Variants in TPO observed in about 807,000 individuals in gnomAD.
TPO encodes the protein thyroid microsomal antigen.
Under a neutral mutation model 96.9 loss-of-function variants are expected in TPO, and 78 were observed. The observed-to-expected ratio is 0.81, with a 90% CI of 0.67 to 0.97. The LOEUF (loss-of-function observed/expected upper bound fraction) is 0.97. Among genes scored for constraint, TPO ranks in the 50% least tolerant of loss-of-function variants. The pLI is 0.00. For synonymous variants in TPO, 547 were observed against 538.0 expected (o/e 1.02, Z -0.23); for missense variants, 1,252 against 1,274.8 (o/e 0.98, Z 0.27).
intron 6 of TPO, 137 bp downstream of exon 6, chr2:1,453,960 G>A: frequency 7.3e-7 from 1 of 1,369,910 alleles, no homozygotes; most frequent in Middle Eastern, 1.8e-4. Context: ...GCCTCCCTTT[G>A]ATGTAGCAAT....
At chr2:1,541,132 C>T in intron 16 of TPO, 9 of 1,186,228 alleles carry the variant, frequency 7.6e-6, no homozygotes, top group Non-Finnish European at 8.5e-6. Context: ...ACCCCCTTAC[C>T]TTGTATGCAG....
At chr2:1,498,323 G>T (rs1672559106) in intron 13 of TPO, among the ~76,000 whole-genome samples, 1 of 152,208 alleles carries the variant, frequency 6.6e-6, no homozygotes, top group Non-Finnish European at 1.5e-5. Flanking sequence ...TGTGGTCTCA[G>T]GTGCCCTCCC....
rs1474020387 is a variant in TPO at position 1,531,914 on chromosome 2, CA to C, written c.2619-8679del. Among the ~76,000 whole-genome samples, 279 of 67,880 alleles carry C rather than the reference CA, an allele frequency of 4.1e-3. 38 individuals are homozygous for C. The highest frequency in any genetic ancestry group is 0.015 in the African/African-American group (257 of 17,284). The allele number at this position is 67,880 out of a possible 152,430, so 44.5% of individuals were successfully genotyped here. ...CCTACTGTGTGCAACCTCCTCAAAT[CA>C]CCCCCACTGTGTGCAACCTCCTCAA... On this transcript the variant is annotated intron_variant, in intron 15 of 16. Coordinates refer to ENST00000329066, the MANE Select transcript of TPO (RefSeq NM_001206744.2).
rs573825644 is a variant in TPO, at chr2:1,478,333, T to C, written c.1338+729T>C. 8 of 985,416 alleles carry C rather than the reference T, an allele frequency of 8.1e-6. No individual in the cohort carries two copies. The East Asian group carries it at 6.8e-4, about 84-fold the overall frequency. The allele number at this position is 985,416 out of a possible 1,614,324, so 61.0% of individuals were successfully genotyped here. A position where few individuals can be genotyped will look rare whatever the true frequency, so the allele number is the denominator to read the frequency against. ...GGGCTGTTTGATATGCGAGTCACCG[T>C]GTGTGTCTGTTGCACCAGGCCCTGT... On this transcript the variant is annotated intron_variant, in intron 8 of 16. Coordinates refer to ENST00000329066, the MANE Select transcript of TPO (RefSeq NM_001206744.2).
chr2:1,454,652 A>C (rs1467133383), intron 6 of TPO, among the ~76,000 whole-genome samples: 1 of 152,146 alleles, frequency 6.6e-6, no homozygotes, highest in Non-Finnish European at 1.5e-5. Context: ...GGCTTCCTGC[A>C]AGTCGCTTTC....
rs1388926905 is a variant in TPO, at chr2:1,459,707, G to A, written c.819+3425G>A. Among the ~76,000 whole-genome samples the A allele has an allele frequency of 2.6e-5, 4 of 152,104 alleles. No individual in the cohort carries two copies. In the East Asian group the frequency reaches 7.7e-4, roughly 29 times the overall value. On this transcript the variant is annotated intron_variant, in intron 7 of 16. Coordinates refer to ENST00000329066, the MANE Select transcript of TPO (RefSeq NM_001206744.2). ...ACATCTAAACAAAATATCCCAAAAG[G>A]AATAATATTGGGGGAAAGGTGGAAA...
intron 15 of TPO, among the ~76,000 whole-genome samples, chr2:1,523,579 C>T (rs1249137400): frequency 6.8e-6 from 1 of 146,196 alleles, no homozygotes; most frequent in Non-Finnish European, 1.5e-5. Flanking sequence ...TGCAACCTCC[C>T]CAAATCCCCC....
At position 1,495,988 on chromosome 2, in the gene TPO, G is replaced by A. The variant is rs1558362839; in HGVS notation, c.2007-1G>A. 6.2e-7 allele frequency: 1 copy of A among 1,612,248 alleles called. No homozygotes were observed. Among genetic ancestry groups the A allele is most frequent in the Non-Finnish European group, 8.5e-7 (1 of 1,179,898 alleles). On this transcript the variant is annotated splice_acceptor_variant, in intron 11 of 16. Coordinates refer to ENST00000329066, the MANE Select transcript of TPO (RefSeq NM_001206744.2). LOFTEE classifies it high-confidence loss of function. ...CTTACTCACTGTCTCCTTCTCTGGAGGTTTTGGTGGGAGAACAGCCACGTC... is the reference window on the plus strand; with the variant it reads ...CTTACTCACTGTCTCCTTCTCTGGAAGTTTTGGTGGGAGAACAGCCACGTC...
rs1477644847 is a variant in TPO, at chr2:1,506,867, G to A, written c.2518+2788G>A. Reference sequence around the variant, plus strand: ...CAGTCTGATAGTAGTTTCTTTTGCTGTGCAGAAGCTCTTTAGTTTAATTAG... The same window carrying A: ...CAGTCTGATAGTAGTTTCTTTTGCTATGCAGAAGCTCTTTAGTTTAATTAG... On this transcript the variant is annotated intron_variant, in intron 14 of 16. Coordinates refer to ENST00000329066, the MANE Select transcript of TPO (RefSeq NM_001206744.2). 2.6e-5 allele frequency among the ~76,000 whole-genome samples: 4 copies of A among 152,246 alleles called. No homozygotes were observed. In the South Asian group the frequency reaches 6.2e-4, roughly 24 times the overall value.
intron 5 of TPO, among the ~76,000 whole-genome samples, chr2:1,442,973 C>A (rs73908720): frequency 6.6e-6 from 1 of 152,152 alleles, no homozygotes; most frequent in African/African-American, 2.4e-5. Context: ...CTTTGGCTCA[C>A]GCCTGTAAAG....
intron 1 of TPO, among the ~76,000 whole-genome samples, chr2:1,379,532 G>A (rs1389590221): frequency 6.6e-6 from 1 of 152,118 alleles, no homozygotes; most frequent in African/African-American, 2.4e-5. Flanking sequence ...CGGCTCTGGG[G>A]CCCTCCAGAC....
chr2:1,504,147 T>A lies in TPO; in HGVS notation c.2518+68T>A, dbSNP rs776832953. The A allele has an allele frequency of 1.4e-5, 22 of 1,606,048 alleles. No individual in the cohort carries two copies. The Admixed American group carries it at 2.8e-4, about 21-fold the overall frequency. On this transcript the variant is annotated intron_variant, in intron 14 of 16. Transcript: ENST00000329066. ...TTTTGTAAAATGAAGAAAAGTGTGT[T>A]CAAGTTAGGCAACTGTCAATCACCA...
chr2:1,387,661 C>T (rs1364675835), intron 1 of TPO, among the ~76,000 whole-genome samples: 1 of 152,194 alleles, frequency 6.6e-6, no homozygotes, highest in South Asian at 2.1e-4. Context: ...CTCGAACTTC[C>T]TCCTTTAGCT....
At chr2:1,446,139 G>A (rs567424636) in intron 5 of TPO, among the ~76,000 whole-genome samples, 56 of 152,154 alleles carry the variant, frequency 3.7e-4, no homozygotes, top group South Asian at 1.9e-3. Context: ...GGTGCAGATC[G>A]AGAACTGTAC....
intron 14 of TPO, among the ~76,000 whole-genome samples, chr2:1,515,174 C>G (rs867627889): frequency 6.6e-6 from 1 of 152,240 alleles, no homozygotes; most frequent in Non-Finnish European, 1.5e-5. Flanking sequence ...CTCAGCCTTC[C>G]CCGCACCCCC....
At chr2:1,456,426 C>A in intron 7 of TPO, 144 bp downstream of exon 7, 1 of 856,354 alleles carries the variant, frequency 1.2e-6, no homozygotes, top group Non-Finnish European at 1.9e-6. Context: ...TGGTGCATCT[C>A]ACTGGAAATT....
At chr2:1,526,521 CCA>C (rs1411998039) in intron 15 of TPO, among the ~76,000 whole-genome samples, 4 of 141,852 alleles carry the variant, frequency 2.8e-5, no homozygotes, top group Non-Finnish European at 6.1e-5. Flanking sequence ...GCAAATCCTC[CCA>C]GTGTTCGCAA....
chr2:1,528,159 TC>T (rs1677067658), intron 15 of TPO, among the ~76,000 whole-genome samples: 1 of 112,378 alleles, frequency 8.9e-6, no homozygotes, highest in Admixed American at 1.2e-4. Flanking sequence ...CCCAACCAAA[TC>T]TCACCCACTG....
rs1573194846 is a variant in TPO, at chr2:1,440,500, T to C, written c.482+4116T>C. On this transcript the variant is annotated intron_variant, in intron 5 of 16. Transcript: ENST00000329066. ...CCATTTCACCTGGACATTTTGTTTG[T>C]ATGGTGTAGTCGGTGCCGCAGGAGC... Among the ~76,000 whole-genome samples the C allele has an allele frequency of 2.0e-5, 3 of 152,340 alleles. No homozygotes were observed. The East Asian group carries it at 5.8e-4, about 29-fold the overall frequency.
Sources: allele counts gnomAD v4.1 joint callset (sites outside exome capture counted in the v4.1 genomes callset), GRCh38; gene constraint gnomAD v4.1.1; transcripts MANE v1.5; gene names NCBI Gene and HGNC (gene_info 2026-07-23, HGNC 2026-07-21).